The following RDX variants were observed in gnomAD, a reference collection of about 807,000 sequenced individuals.
The protein encoded by RDX is deafness, autosomal recessive 24.
A neutral mutation model predicts 83.7 loss-of-function variants in RDX; 32 were observed. That is an observed-to-expected ratio of 0.38 (90% CI 0.29 to 0.51). The LOEUF (loss-of-function observed/expected upper bound fraction) is 0.51, where lower values mean the gene tolerates loss of function less well. Ranked by LOEUF, RDX falls within the 20% of genes least tolerant of loss-of-function variation. The pLI, the probability that RDX is intolerant of heterozygous loss-of-function variation, is 0.87. For missense variants in RDX, 600 were observed against 689.9 expected, an observed-to-expected ratio of 0.87 and a Z score of 1.46; for synonymous variants, 229 against 222.7, an observed-to-expected ratio of 1.03 and a Z score of -0.25.
intron 14 of RDX, among the ~76,000 whole-genome samples, chr11:110,216,041 C>G (rs1015461050): frequency 2.6e-5 from 4 of 152,184 alleles, no homozygotes; most frequent in African/African-American, 9.7e-5. Context: ...CTTTGCTTAG[C>G]TCGATTCTGG....
At chr11:110,246,233 C>T (rs1859100000) in intron 10 of RDX, among the ~76,000 whole-genome samples, 1 of 152,080 alleles carries the variant, frequency 6.6e-6, no homozygotes, top group South Asian at 2.1e-4. Flanking sequence ...AGTATTATTT[C>T]TAATCCTCTT....
At chr11:110,203,019 C>T (rs571976991) in intron 14 of RDX, among the ~76,000 whole-genome samples, 1 of 151,996 alleles carries the variant, frequency 6.6e-6, no homozygotes, top group Non-Finnish European at 1.5e-5. Flanking sequence ...TATATACCCC[C>T]CAAAAAGAAA....
intron 8 of RDX, among the ~76,000 whole-genome samples, chr11:110,254,542 C>T (rs1239539447): frequency 6.6e-6 from 1 of 151,338 alleles, no homozygotes; most frequent in African/African-American, 2.4e-5. Context: ...GTGGTGCCAT[C>T]TCAGTGCACT....
At chr11:110,280,251 T>G (rs1860702913) in intron 1 of RDX, among the ~76,000 whole-genome samples, 2 of 152,180 alleles carry the variant, frequency 1.3e-5, no homozygotes, top group Non-Finnish European at 2.9e-5. Flanking sequence ...ATTTTTTTTT[T>G]TTATTTTTTT....
chr11:110,190,083 C>CA (rs200334447), intron 15 of RDX, among the ~76,000 whole-genome samples: 2,460 of 149,138 alleles, frequency 0.016, 27 homozygotes, highest in Non-Finnish European at 0.026. Flanking sequence ...AACTCCATCT[C>CA]AAAAAAAAAA....
chr11:110,176,088 C>CTTTTTTTTT (rs11452453), intron 15 of RDX, among the ~76,000 whole-genome samples: 1 of 143,266 alleles, frequency 7.0e-6, no homozygotes, highest in African/African-American at 2.6e-5. Context: ...TTCTTTTTTT[C>CTTTTTTTTT]TTTTTTTTTT....
intron 14 of RDX, among the ~76,000 whole-genome samples, chr11:110,200,669 A>G (rs1863370232): frequency 6.6e-6 from 1 of 152,236 alleles, no homozygotes; most frequent in South Asian, 2.1e-4. Context: ...GAGTCTTTGC[A>G]GTAAAATACA....
chr11:110,213,274 A>G (rs1411242414), intron 14 of RDX, among the ~76,000 whole-genome samples: 1 of 137,728 alleles, frequency 7.3e-6, no homozygotes, highest in Non-Finnish European at 1.6e-5. Flanking sequence ...TAGGAATCCA[A>G]CTTACAAGGG....
downstream of RDX, among the ~76,000 whole-genome samples, chr11:110,226,359 G>T (rs1315417000): frequency 2.0e-5 from 3 of 152,162 alleles, no homozygotes. Context: ...CATGCTAAGT[G>T]AAATAAACCA....
chr11:110,188,494 T>C (rs1355511977), intron 15 of RDX, among the ~76,000 whole-genome samples: 1 of 151,848 alleles, frequency 6.6e-6, no homozygotes, highest in Non-Finnish European at 1.5e-5. Flanking sequence ...ACAATGGACT[T>C]TGGGAACTTA....
At chr11:110,197,181 C>T (rs1045836184) in intron 15 of RDX, among the ~76,000 whole-genome samples, 1 of 152,126 alleles carries the variant, frequency 6.6e-6, no homozygotes, top group Non-Finnish European at 1.5e-5. Flanking sequence ...ATTACAGGCA[C>T]GAGCCATAGC....
chr11:110,237,810 T>A lies in RDX; in HGVS notation c.1091-158A>T, dbSNP rs1864923891. 3.5e-6 allele frequency: 3 copies of A among 847,316 alleles called. No homozygotes were observed. In the East Asian group the frequency reaches 8.0e-5, roughly 23 times the overall value. 52.5% of individuals were successfully genotyped at this position (847,316 alleles called of 1,614,324 possible). A position where few individuals can be genotyped will look rare whatever the true frequency, so the allele number is the denominator to read the frequency against. ...ACCTCTTTGTTTTCTTGAGACAGGG[T>A]CTCGCTCTGTTGCCCAGGCTGAAGT... On this transcript the variant is annotated intron_variant, in intron 10 of 13. Coordinates refer to ENST00000645495, the MANE Select transcript of RDX (RefSeq NM_002906.4).
intron 12 of RDX, 65 bp downstream of exon 12, chr11:110,236,034 A>T: frequency 8.8e-7 from 1 of 1,138,706 alleles, no homozygotes; most frequent in Non-Finnish European, 1.3e-6. Context: ...TTATCACTAC[A>T]AAGTCAGCAT....
intron 2 of RDX, 143 bp downstream of exon 2, chr11:110,279,538 C>G (rs1860666459): frequency 3.2e-6 from 2 of 625,394 alleles, no homozygotes; most frequent in Non-Finnish European, 5.8e-6. Context: ...ATTAATTTGG[C>G]CACATTAATC....
intron 10 of RDX, among the ~76,000 whole-genome samples, chr11:110,246,264 G>A (rs1203683408): frequency 6.6e-6 from 1 of 152,156 alleles, no homozygotes; most frequent in African/African-American, 2.4e-5. Context: ...TGATCAATCA[G>A]CTTGCGCATT....
At chr11:110,223,725 T>C (rs751811707) in intron 14 of RDX, among the ~76,000 whole-genome samples, 1 of 152,182 alleles carries the variant, frequency 6.6e-6, no homozygotes, top group Non-Finnish European at 1.5e-5. Flanking sequence ...TGGGTACCTC[T>C]AGCAAAATCT....
Position 110,240,264 on chromosome 11 carries a change from C to T in RDX, c.1091-2612G>A, listed in dbSNP as rs146681338. On this transcript the variant is annotated intron_variant, in intron 10 of 13. Coordinates refer to ENST00000645495, the MANE Select transcript of RDX (RefSeq NM_002906.4). Reference sequence around the variant, plus strand: ...ATATGGATGGAACTGGAAGCCATCACGTTAAGTGAAATAAACCAAGCACAG... The same window carrying T: ...ATATGGATGGAACTGGAAGCCATCATGTTAAGTGAAATAAACCAAGCACAG... 3.3e-4 allele frequency among the ~76,000 whole-genome samples: 50 copies of T among 152,166 alleles called. 1 individual carries two copies. Among genetic ancestry groups the T allele is most frequent in the Admixed American group, 1.6e-3 (25 of 15,282 alleles).
intron 14 of RDX, among the ~76,000 whole-genome samples, chr11:110,220,723 C>T (rs967192271): frequency 1.3e-5 from 2 of 151,972 alleles, no homozygotes; most frequent in African/African-American, 4.8e-5. Flanking sequence ...GTCTCGAACT[C>T]CTGACCTCAG....
At position 110,289,791 on chromosome 11, in the gene RDX, A is replaced by G. The variant is rs564645065; in HGVS notation, c.-65+6676T>C. Reference sequence around the variant, plus strand: ...AATTAGTCCCGTCTCTACTAAAAATATAAAAATTAGTCAGACGTGGTGACC... The same window carrying G: ...AATTAGTCCCGTCTCTACTAAAAATGTAAAAATTAGTCAGACGTGGTGACC... On this transcript the variant is annotated intron_variant, in intron 1 of 13. Transcript: ENST00000645495. 1.4e-3 allele frequency among the ~76,000 whole-genome samples: 211 copies of G among 151,910 alleles called. 2 individuals carry two copies. Among genetic ancestry groups the G allele is most frequent in the African/African-American group, 4.5e-3 (188 of 41,444 alleles).
Sources: gnomAD v4.1 joint callset for allele counts (sites outside exome capture counted in the v4.1 genomes callset) on GRCh38, gnomAD v4.1.1 for gene constraint, MANE v1.5 for transcripts, NCBI Gene and HGNC (gene_info 2026-07-23, HGNC 2026-07-21) for gene names.